TTF2: variants seen among roughly 807,000 people sequenced by gnomAD.
TTF2 encodes transcription termination factor 2, also known as RNA polymerase II termination factor.
Under a neutral mutation model 142.4 loss-of-function variants are expected in TTF2, and 108 were observed. The observed-to-expected ratio is 0.76, with a 90% CI of 0.65 to 0.89. The LOEUF is 0.89. Among genes scored for constraint, TTF2 ranks in the 40% least tolerant of loss-of-function variants. The pLI is 0.00. For synonymous variants in TTF2, 483 were observed against 506.2 expected, an observed-to-expected ratio of 0.95 and a Z score of 0.61; for missense variants, 1,327 against 1,379.8, an observed-to-expected ratio of 0.96 and a Z score of 0.61.
Position 117,099,782 on chromosome 1 carries a change from C to A in TTF2, c.3344+875C>A, listed in dbSNP as rs1649438161. Among the ~76,000 whole-genome samples, 1 of 152,180 alleles carries A rather than the reference C, an allele frequency of 6.6e-6. No homozygotes were observed. The highest frequency in any genetic ancestry group is 6.5e-5 in the Admixed American group (1 of 15,278). On this transcript the variant is annotated intron_variant, in intron 22 of 22. Coordinates refer to ENST00000369466, the MANE Select transcript of TTF2 (RefSeq NM_003594.4). This position sits in a 1 kb window ranked among gnomAD's most constrained non-coding sequence, Gnocchi z 4.3. ...TGATTACTTCCCATTCATTCCTCAGCCTTTACAAACTGGCTTTTACTCCTG... is the reference window on the plus strand; with the variant it reads ...TGATTACTTCCCATTCATTCCTCAGACTTTACAAACTGGCTTTTACTCCTG...
intron 2 of TTF2, 29 bp from the exon 3 acceptor site, chr1:117,062,358 A>T (rs1288287831): frequency 6.2e-7 from 1 of 1,604,776 alleles, no homozygotes; most frequent in Non-Finnish European, 8.5e-7. Context: ...CTGACCTAAA[A>T]ATGTTTTCAA....
chr1:117,061,229 A>C (rs1655660397), intron 2 of TTF2, among the ~76,000 whole-genome samples: 1 of 149,582 alleles, frequency 6.7e-6, no homozygotes, highest in East Asian at 2.0e-4. Context: ...GTCTCTACGA[A>C]AAATTAAAAA....
Position 117,079,568 on chromosome 1 carries a change from G to T in TTF2, c.1702G>T (p.Val568Phe), listed in dbSNP as rs191031092. The change falls in exon 9 of 23, where the codon GTC (valine) becomes TTC (phenylalanine). Residue 568 changes from valine (V) to phenylalanine (F), a missense_variant and splice_region_variant. Coordinates refer to ENST00000369466, the MANE Select transcript of TTF2 (RefSeq NM_003594.4). The surrounding 1 kb of genome is among the most constrained non-coding windows in gnomAD (Gnocchi z 4.2). ...AGCATTTGGTTATTACCTTTGTCAG[G>T]TCCCTTTGCTACTACACCAGAAGCA... is the stretch of plus-strand genomic sequence containing the variant. Reference protein sequence around the residue: ...VVAEDPAGLKVPLLLHQKQAL... With the variant: ...VVAEDPAGLKFPLLLHQKQAL... 6 of 1,614,150 alleles carry T rather than the reference G, an allele frequency of 3.7e-6. No homozygotes were observed. The East Asian group carries it at 1.3e-4, about 36-fold the overall frequency.
chr1:117,076,658 A>G lies in TTF2; in HGVS notation c.1408A>G (p.Asn470Asp). 1.2e-6 allele frequency: 2 copies of G among 1,612,072 alleles called. No homozygotes were observed. Among genetic ancestry groups the G allele is most frequent in the Non-Finnish European group, 1.7e-6 (2 of 1,179,002 alleles). The change falls in exon 7 of 23, where the codon AAC becomes GAC. Residue 470 changes from asparagine to aspartate, a missense_variant. Transcript: ENST00000369466. This position sits in a 1 kb window ranked among gnomAD's most constrained non-coding sequence, Gnocchi z 4.6. ...CTGAGCAGGAACTAATGAGAAGAGT[A>G]ACAGTCAAGTACCACAGCAGAGTCA... Reference protein sequence around the residue: ...SPEQGTNEKSNSQVPQQSHFT... With the variant: ...SPEQGTNEKSDSQVPQQSHFT...
At chr1:117,089,045 A>C in intron 13 of TTF2, 63 bp downstream of exon 13, 30 of 1,501,106 alleles carry the variant, frequency 2.0e-5, no homozygotes, top group Non-Finnish European at 2.3e-5. Context: ...TCATTATTTC[A>C]TGTCTCATAA....
At position 117,076,191 on chromosome 1, in the gene TTF2, A is replaced by T. The variant is rs1231858240; in HGVS notation, c.1287A>T (p.Ala429=). 6.2e-7 allele frequency: 1 copy of T among 1,613,930 alleles called. No individual in the cohort carries two copies. Among genetic ancestry groups the T allele is most frequent in the Non-Finnish European group, 8.5e-7 (1 of 1,179,822 alleles). The part of the protein sequence containing the change: ...TQLKQKKSTL[A]SVNIQALPDK... ...AATCTGTTTTTCAGAGCACACTGGCATCAGTGAACATCCAGGCTCTTCCAG... is the reference window on the plus strand; with the variant it reads ...AATCTGTTTTTCAGAGCACACTGGCTTCAGTGAACATCCAGGCTCTTCCAG... Residue 429 remains alanine (A), a synonymous_variant, in exon 6 of 23, where the codon GCA becomes GCT. Transcript: ENST00000369466. The surrounding 1 kb of genome is among the most constrained non-coding windows in gnomAD (Gnocchi z 4.6).
intron 10 of TTF2, among the ~76,000 whole-genome samples, chr1:117,083,808 A>AGGT: frequency 6.6e-6 from 1 of 152,324 alleles, no homozygotes; most frequent in African/African-American, 2.4e-5. Flanking sequence ...CAAGAGGAAG[A>AGGT]GGTAATGCCT....
chr1:117,075,887 G>C lies in TTF2; in HGVS notation c.1275+28G>C, dbSNP rs1208582226. 1 of 1,577,892 alleles carries C rather than the reference G, an allele frequency of 6.3e-7. No homozygotes were observed. Among genetic ancestry groups the C allele is most frequent in the Admixed American group, 1.8e-5 (1 of 55,248 alleles). On this transcript the variant is annotated intron_variant, in intron 5 of 22. Coordinates refer to ENST00000369466, the MANE Select transcript of TTF2 (RefSeq NM_003594.4). The surrounding 1 kb of genome is among the most constrained non-coding windows in gnomAD (Gnocchi z 4.5). The stretch of plus-strand genomic sequence containing the variant: ...AACTATTGACTCGTGTTTTGTTTCT[G>C]AGGTCAGAGCATTGCTTGTTATGGG...
rs764815163 is a variant in TTF2 at position 117,073,757 on chromosome 1, G to A, written c.285+30G>A. On this transcript the variant is annotated intron_variant, in intron 4 of 22. Coordinates refer to ENST00000369466, the MANE Select transcript of TTF2 (RefSeq NM_003594.4). The surrounding 1 kb of genome is among the most constrained non-coding windows in gnomAD (Gnocchi z 4.4). ...GAATTATTCATCTGTTTTCAAACCTGCTGTGTTAAGACTTTTAATATGCAG... is the reference window on the plus strand; with the variant it reads ...GAATTATTCATCTGTTTTCAAACCTACTGTGTTAAGACTTTTAATATGCAG... The A allele has an allele frequency of 2.5e-6, 4 of 1,603,772 alleles. No individual in the cohort carries two copies. The African/African-American group carries it at 4.0e-5, about 16-fold the overall frequency.
chr1:117,105,987 T>TGGCC lies in TTF2; in HGVS notation c.*4464_*4467dup, dbSNP rs1304425680. ...AGCATGGAGACACCAGTGTTCAGTG[T>TGGCC]GGCCTCTGGTTGTCTGAAATTTTGC... On this transcript the variant is annotated 3_prime_UTR_variant, in exon 23 of 23. Transcript: ENST00000369466. The surrounding 1 kb of genome is among the most constrained non-coding windows in gnomAD (Gnocchi z 4.7). The TGGCC allele has an allele frequency of 1.1e-4, 16 of 152,282 alleles. No homozygotes were observed. Among genetic ancestry groups the TGGCC allele is most frequent in the African/African-American group, 3.6e-4 (15 of 41,556 alleles). 9.4% of individuals were successfully genotyped at this position (152,282 alleles called of 1,614,324 possible).
intron 10 of TTF2, 138 bp downstream of exon 10, chr1:117,082,085 C>A: frequency 8.0e-7 from 1 of 1,245,342 alleles, no homozygotes; most frequent in Non-Finnish European, 1.2e-6. Flanking sequence ...GATTACTCAC[C>A]TATCATATCA....
In TTF2 at chr1:117,063,435, AT is replaced by A. The variant is rs1227679149; in HGVS notation, c.218+967del. Among the ~76,000 whole-genome samples the A allele has an allele frequency of 6.6e-6, 1 of 152,036 alleles. No homozygotes were observed. ...ACCCCTGTCAGCAATCACTGTTCTG[AT>A]TTTTATCTCTTTAGATGTGTTTTGA... On this transcript the variant is annotated intron_variant, in intron 3 of 22. Coordinates refer to ENST00000369466, the MANE Select transcript of TTF2 (RefSeq NM_003594.4). This position sits in a 1 kb window ranked among gnomAD's most constrained non-coding sequence, Gnocchi z 4.1.
rs781288172 is a variant in TTF2 at position 117,097,293 on chromosome 1, C to T, written c.3187-58C>T. On this transcript the variant is annotated intron_variant, in intron 20 of 22. Coordinates refer to ENST00000369466, the MANE Select transcript of TTF2 (RefSeq NM_003594.4). This position sits in a 1 kb window ranked among gnomAD's most constrained non-coding sequence, Gnocchi z 4.1. ...ATTGATTGTGGACTTAAACCTGAGA[C>T]CGAGATGTGTTACGAGACCAAGTCT... The T allele has an allele frequency of 6.6e-5, 97 of 1,480,550 alleles. No individual in the cohort carries two copies. The highest frequency in any genetic ancestry group is 8.7e-5 in the Non-Finnish European group (92 of 1,058,770). 91.7% of individuals were successfully genotyped at this position (1,480,550 alleles called of 1,614,324 possible).
Position 117,093,931 on chromosome 1 carries a change from C to A in TTF2, c.2976+1030C>A, listed in dbSNP as rs1044147323. Among the ~76,000 whole-genome samples the A allele has an allele frequency of 1.3e-5, 2 of 152,174 alleles. No individual in the cohort carries two copies. The highest frequency in any genetic ancestry group is 4.8e-5 in the African/African-American group (2 of 41,432). On this transcript the variant is annotated intron_variant, in intron 18 of 22. Coordinates refer to ENST00000369466, the MANE Select transcript of TTF2 (RefSeq NM_003594.4). The surrounding 1 kb of genome is among the most constrained non-coding windows in gnomAD (Gnocchi z 4.5). ...TGACCCCGGCTCGTGGGCCATAAAT[C>A]CAGCCCTCCTGCTGCAGTTTTCTCA...
Position 117,100,723 on chromosome 1 carries a change from T to C in TTF2, c.3345-657T>C, listed in dbSNP as rs1204955653. ...TACAAGTCTCATATTAAGAGTTAACTGTTTAATGGGGCCCTCCCTGACTAC... is the reference window on the plus strand; with the variant it reads ...TACAAGTCTCATATTAAGAGTTAACCGTTTAATGGGGCCCTCCCTGACTAC... On this transcript the variant is annotated intron_variant, in intron 22 of 22. Coordinates refer to ENST00000369466, the MANE Select transcript of TTF2 (RefSeq NM_003594.4). This position sits in a 1 kb window ranked among gnomAD's most constrained non-coding sequence, Gnocchi z 4.6. Among the ~76,000 whole-genome samples, 2 of 152,210 alleles carry C rather than the reference T, an allele frequency of 1.3e-5. No individual in the cohort carries two copies. Among genetic ancestry groups the C allele is most frequent in the Non-Finnish European group, 2.9e-5 (2 of 68,042 alleles).
At position 117,076,861 on chromosome 1, in the gene TTF2, C is replaced by G. The variant is rs747720000; in HGVS notation, c.1573+38C>G. ...GGCCTGACCCTGCTGTGAATAGCCA[C>G]CCCTGTGAGTTACGTGCCACCCGGT... On this transcript the variant is annotated intron_variant, in intron 7 of 22. Coordinates refer to ENST00000369466, the MANE Select transcript of TTF2 (RefSeq NM_003594.4). This position sits in a 1 kb window ranked among gnomAD's most constrained non-coding sequence, Gnocchi z 4.6. 23 of 1,566,444 alleles carry G rather than the reference C, an allele frequency of 1.5e-5. No individual in the cohort carries two copies. In the East Asian group the frequency reaches 5.2e-4, roughly 35 times the overall value.
At chr1:117,066,307 A>C (rs1314277708) in intron 3 of TTF2, among the ~76,000 whole-genome samples, 1 of 152,202 alleles carries the variant, frequency 6.6e-6, no homozygotes, top group Non-Finnish European at 1.5e-5. Flanking sequence ...GATTCCAGAC[A>C]CACCAACTTT....
At position 117,081,873 on chromosome 1, in the gene TTF2, T is replaced by C; in HGVS notation, c.1829T>C (p.Ile610Thr). 1 of 1,614,120 alleles carries C rather than the reference T, an allele frequency of 6.2e-7. No individual in the cohort carries two copies. Among genetic ancestry groups the C allele is most frequent in the Non-Finnish European group, 8.5e-7 (1 of 1,180,028 alleles). ...LGKTLTMIAL[I>T]LTQKNQEKKE... Reference sequence around the variant, plus strand: ...AAAACCCTGACAATGATTGCGCTCATCCTGACCCAGAAGAATCAAGAGAAA... The same window carrying C: ...AAAACCCTGACAATGATTGCGCTCACCCTGACCCAGAAGAATCAAGAGAAA... The change falls in exon 10 of 23, where the codon ATC becomes ACC. Residue 610 changes from isoleucine to threonine, a missense_variant. Physicochemically the swap from Ile to Thr is moderately conservative, Grantham distance 89 (BLOSUM62 -1). Transcript: ENST00000369466.
chr1:117,068,750 C>T (rs923252499), intron 3 of TTF2, among the ~76,000 whole-genome samples: 1 of 152,248 alleles, frequency 6.6e-6, no homozygotes, highest in Non-Finnish European at 1.5e-5. Context: ...ACCAGGCATG[C>T]GCCAGACCCA....
Sources: gnomAD v4.1 joint callset for allele counts (sites outside exome capture counted in the v4.1 genomes callset) on GRCh38, gnomAD v4.1.1 for gene constraint, Gnocchi (gnomAD v3.1) non-coding constraint, MANE v1.5 for transcripts, NCBI Gene and HGNC (gene_info 2026-07-23, HGNC 2026-07-21) for gene names.